Variants in AGTPBP1 observed in about 807,000 individuals in gnomAD.
The protein encoded by AGTPBP1 is ATP/GTP binding carboxypeptidase 1.
AGTPBP1 carries 70 observed loss-of-function variants against 143.9 expected under a neutral mutation model. That is an observed-to-expected ratio of 0.49 (90% confidence interval 0.40 to 0.59). AGTPBP1 has a LOEUF of 0.59. Ranked by LOEUF, AGTPBP1 falls within the 20% of genes least tolerant of loss-of-function variation. The pLI is 0.00. For synonymous variants in AGTPBP1, 463 were observed against 500.2 expected (o/e 0.93, Z 0.99); for missense variants, 1,229 against 1,464.5 (o/e 0.84, Z 2.62).
intron 14 of AGTPBP1, among the ~76,000 whole-genome samples, chr9:85,625,526 GT>G (rs938516586): frequency 6.6e-6 from 1 of 151,770 alleles, no homozygotes; most frequent in African/African-American, 2.4e-5. Flanking sequence ...TATCTTGAAT[GT>G]TTTTTAAAAC....
In AGTPBP1 at chr9:85,677,372, G is replaced by A. The variant is rs1587880351; in HGVS notation, c.436+64C>T. ...TTTTTAAAAACTGAGTAGTTACAAG[G>A]TGAGAGAATCACTGTTACAAAAATA... is the stretch of plus-strand genomic sequence containing the variant. On this transcript the variant is annotated intron_variant, in intron 6 of 25. Coordinates refer to ENST00000357081, the MANE Select transcript of AGTPBP1 (RefSeq NM_001330701.2). The A allele has an allele frequency of 2.8e-6, 4 of 1,448,604 alleles. No individual in the cohort carries two copies. In the East Asian group the frequency reaches 9.6e-5, roughly 35 times the overall value. The allele number at this position is 1,448,604 out of a possible 1,614,324, so 89.7% of individuals were successfully genotyped here.
chr9:85,613,738 C>G (rs1326280906), intron 17 of AGTPBP1, among the ~76,000 whole-genome samples: 1 of 152,006 alleles, frequency 6.6e-6, no homozygotes, highest in South Asian at 2.1e-4. Flanking sequence ...AAAATAAAAG[C>G]CTTTACATTT....
the AGTPBP1 span, chr9:85,764,708 G>T: frequency 8.8e-7 from 1 of 1,139,296 alleles, no homozygotes; most frequent in Non-Finnish European, 1.3e-6. Context: ...TATCTTTTAG[G>T]CCTTAAACAC....
intron 1 of AGTPBP1, among the ~76,000 whole-genome samples, chr9:85,726,240 A>C (rs1587986964): frequency 6.6e-6 from 1 of 151,132 alleles, no homozygotes; most frequent in African/African-American, 2.4e-5. Context: ...AAAAAAAAAA[A>C]AACAAAAAAC....
intron 2 of AGTPBP1, among the ~76,000 whole-genome samples, chr9:85,711,675 GA>G (rs1837381558): frequency 1.3e-5 from 2 of 151,856 alleles, no homozygotes; most frequent in Non-Finnish European, 2.9e-5. Context: ...CCTGACCTCA[GA>G]TGACCCACCC....
intron 1 of AGTPBP1, among the ~76,000 whole-genome samples, chr9:85,717,699 C>A (rs1247591363): frequency 7.0e-6 from 1 of 143,804 alleles, no homozygotes; most frequent in Admixed American, 7.0e-5. Flanking sequence ...TTTTAATATA[C>A]TTTAAGTTCT....
chr9:85,619,449 A>T, intron 15 of AGTPBP1, 148 bp from the exon 16 acceptor site: 1 of 584,438 alleles, frequency 1.7e-6, no homozygotes, highest in Non-Finnish European at 2.9e-6. Context: ...AACAAGCACA[A>T]TCAATACATT....
chr9:85,718,536 T>C (rs1477708328), intron 1 of AGTPBP1, among the ~76,000 whole-genome samples: 1 of 152,218 alleles, frequency 6.6e-6, no homozygotes, highest in East Asian at 1.9e-4. Flanking sequence ...TTCTGGTAAA[T>C]ATGTTTAAGT....
intron 2 of AGTPBP1, among the ~76,000 whole-genome samples, chr9:85,697,438 GTTTTTTGTTTTTTTTTTT>G (rs1836322896): frequency 1.2e-5 from 1 of 83,850 alleles, no homozygotes; most frequent in African/African-American, 4.7e-5. Context: ...GTCTTAATTT[GTTTTTTGTTTTTTTTTTT>G]TTTTTTTTTT....
At position 85,680,011 on chromosome 9, in the gene AGTPBP1, C is replaced by T. The variant is rs190151210; in HGVS notation, c.225+1257G>A. The stretch of plus-strand genomic sequence containing the variant: ...AGTCATGATTCAATGTTACCTTTTT[C>T]CACATAGCTACCAATCACTCTATTT... On this transcript the variant is annotated intron_variant, in intron 4 of 25. Transcript: ENST00000357081. 7.7e-4 allele frequency among the ~76,000 whole-genome samples: 117 copies of T among 152,220 alleles called. 1 individual carries two copies. The highest frequency in any genetic ancestry group is 6.8e-3 in the Middle Eastern group (2 of 294).
chr9:85,691,900 TTAAA>T (rs1203461483), intron 3 of AGTPBP1, among the ~76,000 whole-genome samples: 6 of 152,174 alleles, frequency 3.9e-5, no homozygotes, highest in Admixed American at 3.9e-4. Flanking sequence ...ATAGAACATT[TTAAA>T]TATTCTTTTT....
intron 17 of AGTPBP1, among the ~76,000 whole-genome samples, chr9:85,601,893 C>G (rs1348832231): frequency 6.6e-6 from 1 of 152,114 alleles, no homozygotes; most frequent in Non-Finnish European, 1.5e-5. Flanking sequence ...ACAACCACAC[C>G]CTAAGCCAGT....
At position 85,633,307 on chromosome 9, in the gene AGTPBP1, A is replaced by C. The variant is rs1357398412; in HGVS notation, c.1370T>G (p.Val457Gly). The C allele has an allele frequency of 1.2e-6, 2 of 1,612,398 alleles. No homozygotes were observed. The highest frequency in any genetic ancestry group is 1.7e-6 in the Non-Finnish European group (2 of 1,179,584). The change falls in exon 14 of 26, where the codon GTT (valine) becomes GGT (glycine). Residue 457 changes from valine (V) to glycine (G), a missense_variant. Val to Gly is a moderately radical substitution (Grantham distance 109). This residue lies in a region of AGTPBP1 where 743 missense variants were observed against 812.2 expected (regional missense o/e 0.91). Transcript: ENST00000357081. ...TGTTTCCTCGCCTGCCGTAGGAACA[A>C]CAATAGGACCACGTACTTTTCCCTC... Reference protein sequence around the residue: ...VFEGKVRGPIVVPTAGEETSG... With the variant: ...VFEGKVRGPIGVPTAGEETSG...
chr9:85,570,058 CTG>C (rs1827362816), intron 25 of AGTPBP1, among the ~76,000 whole-genome samples: 1 of 152,080 alleles, frequency 6.6e-6, no homozygotes, highest in Non-Finnish European at 1.5e-5. Context: ...ATGCCTGAAA[CTG>C]TGGACAGTAA....
the AGTPBP1 span, among the ~76,000 whole-genome samples, chr9:85,775,017 A>T: frequency 3.3e-5 from 5 of 152,272 alleles, no homozygotes; most frequent in African/African-American, 9.6e-5. Flanking sequence ...ATATATAAAA[A>T]CTTGGCCAAA....
At chr9:85,592,465 A>G in intron 19 of AGTPBP1, 95 bp downstream of exon 19, 2 of 824,500 alleles carry the variant, frequency 2.4e-6, no homozygotes, top group Non-Finnish European at 3.5e-6. Context: ...CTCAATTATT[A>G]TCATTATCCT....
chr9:85,591,116 A>G (rs1828931357), intron 19 of AGTPBP1, among the ~76,000 whole-genome samples: 2 of 151,680 alleles, frequency 1.3e-5, no homozygotes, highest in South Asian at 2.1e-4. Flanking sequence ...CACTTTAAAG[A>G]GTAATATATT....
At chr9:85,583,020 G>T (rs961188362) in intron 23 of AGTPBP1, among the ~76,000 whole-genome samples, 3 of 152,086 alleles carry the variant, frequency 2.0e-5, no homozygotes, top group Non-Finnish European at 4.4e-5. Context: ...TAAGGGAAAG[G>T]GGAAGGCAGC....
intron 3 of AGTPBP1, among the ~76,000 whole-genome samples, chr9:85,687,850 G>C (rs1415581689): frequency 1.3e-5 from 2 of 152,028 alleles, no homozygotes; most frequent in African/African-American, 2.4e-5. Flanking sequence ...AGGACTTTGG[G>C]AGGCCAAGGT....
Sources: allele counts gnomAD v4.1 joint callset (sites outside exome capture counted in the v4.1 genomes callset), GRCh38; gene constraint gnomAD v4.1.1; regional missense constraint gnomAD v4.1.1; transcripts MANE v1.5; gene names NCBI Gene and HGNC (gene_info 2026-07-23, HGNC 2026-07-21).